Variants in DIP2B observed in about 807,000 individuals in gnomAD.
DIP2B encodes DIP2 acetate--CoA ligase B (putative).
Under a neutral mutation model 198.0 loss-of-function variants are expected in DIP2B, and 76 were observed. That is an observed-to-expected ratio of 0.38 (90% CI 0.32 to 0.46). The LOEUF (loss-of-function observed/expected upper bound fraction) is 0.46. Among genes scored for constraint, DIP2B ranks in the 20% least tolerant of loss-of-function variants. The pLI is 0.99. For missense variants in DIP2B, 1,559 were observed against 1,978.4 expected, an observed-to-expected ratio of 0.79 and a Z score of 4.02; for synonymous variants, 701 against 739.1, an observed-to-expected ratio of 0.95 and a Z score of 0.84.
intron 1 of DIP2B, among the ~76,000 whole-genome samples, chr12:50,554,363 CAT>C (rs554411767): frequency 3.8e-4 from 58 of 152,220 alleles, no homozygotes; most frequent in African/African-American, 1.2e-3. Context: ...ATAGCTAAAT[CAT>C]GTGGTATACT....
At chr12:50,621,112 C>T in intron 1 of DIP2B, among the ~76,000 whole-genome samples, 1 of 152,210 alleles carries the variant, frequency 6.6e-6, no homozygotes, top group East Asian at 1.9e-4. Context: ...TTTAGTGCAG[C>T]AAAATCTGTG....
At chr12:50,695,246 T>C in intron 14 of DIP2B, 21 bp from the exon 15 acceptor site, 1 of 1,599,580 alleles carries the variant, frequency 6.3e-7, no homozygotes, top group Non-Finnish European at 8.6e-7. Flanking sequence ...TGATTACTTT[T>C]CTTCTTTCTT....
intron 3 of DIP2B, among the ~76,000 whole-genome samples, chr12:50,657,316 T>C (rs1938572073): frequency 6.6e-6 from 1 of 151,150 alleles, no homozygotes; most frequent in African/African-American, 2.4e-5. Flanking sequence ...GTATGTAACA[T>C]TTATATAGTC....
At chr12:50,516,494 T>C (rs897564893) in intron 1 of DIP2B, among the ~76,000 whole-genome samples, 19 of 152,056 alleles carry the variant, frequency 1.2e-4, no homozygotes, top group African/African-American at 4.3e-4. Context: ...CCATGAATGA[T>C]ACTCCCACCT....
chr12:50,600,731 T>TA (rs1421365531), intron 1 of DIP2B, among the ~76,000 whole-genome samples: 1 of 152,188 alleles, frequency 6.6e-6, no homozygotes, highest in Non-Finnish European at 1.5e-5. Context: ...AGAAGTCTGA[T>TA]ATTTGCTTTA....
chr12:50,518,173 A>G (rs1182683142), intron 1 of DIP2B, among the ~76,000 whole-genome samples: 4 of 151,602 alleles, frequency 2.6e-5, no homozygotes, highest in African/African-American at 9.7e-5. Context: ...GGGAAGGAGC[A>G]CTGAATTTAG....
At chr12:50,639,311 T>C (rs192090767) in intron 2 of DIP2B, among the ~76,000 whole-genome samples, 24 of 152,204 alleles carry the variant, frequency 1.6e-4, no homozygotes, top group African/African-American at 5.8e-4. Flanking sequence ...AGTGGTTGTC[T>C]TCCCCCTCAC....
intron 34 of DIP2B, among the ~76,000 whole-genome samples, chr12:50,736,422 G>T (rs79182496): frequency 0.011 from 1,600 of 152,308 alleles, 28 homozygotes; most frequent in East Asian, 0.046. Flanking sequence ...GAGTTTGAAG[G>T]GGGCAGAATA....
rs1160171519 is a variant in DIP2B, at chr12:50,691,135, C to T, written c.1638C>T (p.Ala546=). The T allele has an allele frequency of 3.1e-6, 5 of 1,613,984 alleles. No homozygotes were observed. Among genetic ancestry groups the T allele is most frequent in the Non-Finnish European group, 4.2e-6 (5 of 1,180,004 alleles). ...MLSHCQALSQ[A]CNYSEGETIV... ...CTCACTGCCAAGCTCTGTCGCAGGC[C>T]TGCAATTATTCTGAAGGTCAGACCT... The change falls in exon 13 of 38, where the codon GCC becomes GCT. Residue 546 remains alanine, a synonymous_variant. Transcript: ENST00000301180.
intron 1 of DIP2B, among the ~76,000 whole-genome samples, chr12:50,526,699 C>T (rs1043439074): frequency 7.1e-5 from 5 of 70,200 alleles, no homozygotes; most frequent in South Asian, 6.3e-4. Flanking sequence ...TGCAATGGCG[C>T]GATCTCGGCT....
chr12:50,525,350 T>C (rs1472727598), intron 1 of DIP2B, among the ~76,000 whole-genome samples: 5 of 56,764 alleles, frequency 8.8e-5, no homozygotes, highest in African/African-American at 1.4e-4. Flanking sequence ...AGAGCGAGAC[T>C]CCATCTCAAA....
chr12:50,587,711 C>T (rs534412459), intron 1 of DIP2B, among the ~76,000 whole-genome samples: 1 of 152,120 alleles, frequency 6.6e-6, no homozygotes, highest in African/African-American at 2.4e-5. Flanking sequence ...AATATTTTAA[C>T]CTTTTACAAT....
At position 50,632,478 on chromosome 12, in the gene DIP2B, C is replaced by CAAA. The variant is rs756895459; in HGVS notation, c.172+6447_172+6449dup. 1.4e-3 allele frequency among the ~76,000 whole-genome samples: 101 copies of CAAA among 74,604 alleles called. 1 individual carries two copies. The highest frequency in any genetic ancestry group is 4.2e-3 in the African/African-American group (81 of 19,114). The allele number at this position is 74,604 out of a possible 152,430, so 48.9% of individuals were successfully genotyped here. ...TGGGTGACACAGCAAGACTCTGTCT[C>CAAA]AAAAAAAAAAAAAAAAAAGGTAACA... On this transcript the variant is annotated intron_variant, in intron 2 of 37. Transcript: ENST00000301180.
At chr12:50,531,934 A>C (rs915921288) in intron 1 of DIP2B, among the ~76,000 whole-genome samples, 16 of 152,164 alleles carry the variant, frequency 1.1e-4, no homozygotes, top group African/African-American at 3.1e-4. Flanking sequence ...GAAGGTAGAG[A>C]CTTGAGTGTG....
chr12:50,576,344 G>C (rs1049437470), intron 1 of DIP2B, among the ~76,000 whole-genome samples: 1 of 149,620 alleles, frequency 6.7e-6, no homozygotes, highest in African/African-American at 2.5e-5. Context: ...TGGGATTACA[G>C]ATGTGAGCCA....
At chr12:50,657,396 A>T (rs1281431466) in intron 3 of DIP2B, among the ~76,000 whole-genome samples, 1 of 152,198 alleles carries the variant, frequency 6.6e-6, no homozygotes, top group Admixed American at 6.5e-5. Flanking sequence ...CAGTGAGTTT[A>T]TTTAGCAGAT....
At position 50,588,678 on chromosome 12, in the gene DIP2B, C is replaced by T. The variant is rs564448192; in HGVS notation, c.101-37298C>T. On this transcript the variant is annotated intron_variant, in intron 1 of 37. Coordinates refer to ENST00000301180, the MANE Select transcript of DIP2B (RefSeq NM_173602.3). ...AATAAGACCATGTTAGCTAGAATTCCGTCTTAACCCAGCTGCTGGATTCTA... is the reference window on the plus strand; with the variant it reads ...AATAAGACCATGTTAGCTAGAATTCTGTCTTAACCCAGCTGCTGGATTCTA... Among the ~76,000 whole-genome samples the T allele has an allele frequency of 1.8e-4, 27 of 152,194 alleles. No individual in the cohort carries two copies. The South Asian group carries it at 3.7e-3, about 21-fold the overall frequency.
At chr12:50,545,877 C>T (rs1022748492) in intron 1 of DIP2B, among the ~76,000 whole-genome samples, 1 of 151,962 alleles carries the variant, frequency 6.6e-6, no homozygotes, top group African/African-American at 2.4e-5. Context: ...CTCAAGTGAT[C>T]CACCCGCCTC....
intron 22 of DIP2B, among the ~76,000 whole-genome samples, chr12:50,711,804 C>T (rs752264016): frequency 3.9e-5 from 6 of 152,186 alleles, no homozygotes; most frequent in Admixed American, 6.5e-5. Flanking sequence ...AGGAGATCCA[C>T]CCACCTTGGC....
Sources: gnomAD v4.1 joint callset for allele counts (sites outside exome capture counted in the v4.1 genomes callset) on GRCh38, gnomAD v4.1.1 for gene constraint, MANE v1.5 for transcripts, NCBI Gene and HGNC (gene_info 2026-07-23, HGNC 2026-07-21) for gene names.